The following SGCZ variants were observed in gnomAD, a reference collection of about 807,000 sequenced individuals.
SGCZ encodes the protein zeta-sarcoglycan.
SGCZ carries 40 observed loss-of-function variants against 41.3 expected under a neutral mutation model. The observed-to-expected ratio is 0.97, with a 90% CI of 0.75 to 1.26. The LOEUF is 1.26. Ranked by LOEUF, SGCZ falls within the 50% of genes most tolerant of loss-of-function variation. The pLI is 0.00. For synonymous variants in SGCZ, 206 were observed against 137.5 expected (o/e 1.50, Z -3.49); for missense variants, 552 against 369.8 (o/e 1.49, Z -4.04).
intron 1 of SGCZ, among the ~76,000 whole-genome samples, chr8:14,808,126 C>A (rs1801609270): frequency 6.6e-6 from 1 of 152,246 alleles, no homozygotes; most frequent in Non-Finnish European, 1.5e-5. Flanking sequence ...ACCATAAAAA[C>A]CCTAGAAGAT....
chr8:14,999,856 G>A (rs1443283992), intron 1 of SGCZ, among the ~76,000 whole-genome samples: 1 of 152,172 alleles, frequency 6.6e-6, no homozygotes, highest in African/African-American at 2.4e-5. Flanking sequence ...TGGTTAGCAG[G>A]ATGAGCATCC....
chr8:14,786,776 C>A (rs1467184325), intron 1 of SGCZ, among the ~76,000 whole-genome samples: 1 of 149,954 alleles, frequency 6.7e-6, no homozygotes, highest in African/African-American at 2.5e-5. Flanking sequence ...GCAAAATATC[C>A]AAACCAGAGA....
intron 1 of SGCZ, among the ~76,000 whole-genome samples, chr8:15,093,146 C>T (rs1806212830): frequency 6.6e-6 from 1 of 152,192 alleles, no homozygotes; most frequent in South Asian, 2.1e-4. Flanking sequence ...GAAATCACTT[C>T]TCTGTGACTT....
intron 2 of SGCZ, among the ~76,000 whole-genome samples, chr8:14,504,638 G>A (rs1802252087): frequency 6.6e-6 from 1 of 151,838 alleles, no homozygotes; most frequent in South Asian, 2.1e-4. Context: ...TTTCTGTAAT[G>A]TACAAAGGTC....
chr8:14,465,697 T>C (rs1801028893), intron 2 of SGCZ, among the ~76,000 whole-genome samples: 1 of 151,784 alleles, frequency 6.6e-6, no homozygotes, highest in African/African-American at 2.4e-5. Flanking sequence ...GGGGATTATA[T>C]TTAACATCTT....
intron 3 of SGCZ, among the ~76,000 whole-genome samples, chr8:14,298,597 A>C (rs757749341): frequency 5.9e-5 from 9 of 152,006 alleles, no homozygotes; most frequent in African/African-American, 9.6e-5. Context: ...ACAACATTAA[A>C]AATTTTATAT....
At chr8:14,145,367 C>T (rs894403476) in intron 5 of SGCZ, among the ~76,000 whole-genome samples, 15 of 152,136 alleles carry the variant, frequency 9.9e-5, no homozygotes, top group African/African-American at 3.6e-4. Context: ...TATGCAGGAA[C>T]CACTGCATTT....
intron 2 of SGCZ, among the ~76,000 whole-genome samples, chr8:14,381,742 C>T (rs59121943): frequency 0.055 from 8,344 of 151,644 alleles, 767 homozygotes; most frequent in African/African-American, 0.19. Context: ...GCCATGATTG[C>T]GCCACTGCCT....
intron 1 of SGCZ, among the ~76,000 whole-genome samples, chr8:14,706,040 A>G (rs1298020881): frequency 2.6e-5 from 4 of 151,848 alleles, no homozygotes; most frequent in African/African-American, 9.7e-5. Flanking sequence ...AAAGAAATTT[A>G]TTTTTCTTTT....
chr8:14,252,876 C>A (rs1421001070), intron 3 of SGCZ, among the ~76,000 whole-genome samples: 1 of 152,174 alleles, frequency 6.6e-6, no homozygotes, highest in Non-Finnish European at 1.5e-5. Flanking sequence ...AAATTTACTT[C>A]ACCATACTGG....
intron 2 of SGCZ, among the ~76,000 whole-genome samples, chr8:14,544,038 T>G (rs1420257913): frequency 6.6e-6 from 1 of 152,138 alleles, no homozygotes; most frequent in African/African-American, 2.4e-5. Flanking sequence ...AGTAATTATT[T>G]GTAAGAGGGC....
chr8:14,139,978 T>G (rs2116922304), intron 5 of SGCZ, among the ~76,000 whole-genome samples: 1 of 152,172 alleles, frequency 6.6e-6, no homozygotes, highest in African/African-American at 2.4e-5. Flanking sequence ...CTCCAAAAGC[T>G]TAGCCACCAA....
intron 1 of SGCZ, among the ~76,000 whole-genome samples, chr8:14,703,768 G>A (rs17321597): frequency 0.38 from 57,560 of 151,770 alleles, 13,434 homozygotes; most frequent in Non-Finnish European, 0.53. Flanking sequence ...AAGTTTGATT[G>A]AAGAGCCATG....
intron 1 of SGCZ, among the ~76,000 whole-genome samples, chr8:14,888,294 C>A (rs920644716): frequency 3.9e-5 from 6 of 152,092 alleles, no homozygotes; most frequent in Admixed American, 3.9e-4. Context: ...AACAGGGATG[C>A]ATAAAGATAT....
At chr8:14,992,749 G>A (rs1024866237) in intron 1 of SGCZ, among the ~76,000 whole-genome samples, 4 of 113,180 alleles carry the variant, frequency 3.5e-5, no homozygotes, top group Non-Finnish European at 6.7e-5. Flanking sequence ...GTTCCCCCTT[G>A]ATATTTACCC....
At chr8:14,164,468 T>C (rs1804144240) in intron 5 of SGCZ, 112 bp downstream of exon 5, 2 of 1,304,350 alleles carry the variant, frequency 1.5e-6, no homozygotes, top group Non-Finnish European at 2.1e-6. Flanking sequence ...GTTGTGATTA[T>C]GTAAGACTCT....
chr8:15,063,201 G>GAAAA (rs1439831738), intron 1 of SGCZ, among the ~76,000 whole-genome samples: 1 of 152,004 alleles, frequency 6.6e-6, no homozygotes, highest in Non-Finnish European at 1.5e-5. Flanking sequence ...CTTTCTAATT[G>GAAAA]AAAAACAGAG....
intron 1 of SGCZ, among the ~76,000 whole-genome samples, chr8:14,657,259 T>A (rs1047934957): frequency 6.6e-6 from 1 of 152,026 alleles, no homozygotes; most frequent in African/African-American, 2.4e-5. Flanking sequence ...GGTTCCCTCA[T>A]GAACAGGAAG....
At chr8:14,752,132 CAAAAAAAA>C (rs56243371) in intron 1 of SGCZ, among the ~76,000 whole-genome samples, 2 of 117,794 alleles carry the variant, frequency 1.7e-5, no homozygotes, top group Admixed American at 1.9e-4. Context: ...ACAAAAAAGC[CAAAAAAAA>C]AAAAAAAAAA....
Sources: allele counts gnomAD v4.1 joint callset (sites outside exome capture counted in the v4.1 genomes callset), GRCh38; gene constraint gnomAD v4.1.1; transcripts MANE v1.5; gene names NCBI Gene and HGNC (gene_info 2026-07-23, HGNC 2026-07-21).